Variants in MAPT observed in about 807,000 individuals in gnomAD.
MAPT encodes microtubule-associated protein tau.
MAPT carries 34 observed loss-of-function variants against 67.9 expected under a neutral mutation model. That is an observed-to-expected ratio of 0.50 (90% CI 0.38 to 0.67). The LOEUF (loss-of-function observed/expected upper bound fraction) is 0.67. MAPT is among the 30% of genes least tolerant of loss of function. The pLI is 0.00. For missense variants in MAPT, 881 were observed against 1,115.2 expected, an observed-to-expected ratio of 0.79 and a Z score of 2.99; for synonymous variants, 456 against 464.5, an observed-to-expected ratio of 0.98 and a Z score of 0.23.
rs988258970 is a variant in MAPT at position 45,995,467 on chromosome 17, C to T, written c.1733-932C>T. Among the ~76,000 whole-genome samples the T allele has an allele frequency of 2.6e-5, 4 of 152,128 alleles. No individual in the cohort carries two copies. Among genetic ancestry groups the T allele is most frequent in the South Asian group, 2.1e-4 (1 of 4,824 alleles). ...CTCCGGAGATTCTGACGCAGGGTTCCGTGGGCCACACTTTGGAAAATACAG... is the reference window on the plus strand; with the variant it reads ...CTCCGGAGATTCTGACGCAGGGTTCTGTGGGCCACACTTTGGAAAATACAG... On this transcript the variant is annotated intron_variant, in intron 8 of 12. Transcript: ENST00000262410. This position sits in a 1 kb window ranked among gnomAD's most constrained non-coding sequence, Gnocchi z 4.3.
intron 1 of MAPT, among the ~76,000 whole-genome samples, chr17:45,921,739 C>T (rs1190286100): frequency 1.3e-5 from 2 of 152,144 alleles, no homozygotes; most frequent in African/African-American, 4.8e-5. Flanking sequence ...TGTTCGTAGG[C>T]TGTTTGTCTG....
chr17:45,939,959 T>C (rs1359482148), intron 1 of MAPT, among the ~76,000 whole-genome samples: 3 of 152,182 alleles, frequency 2.0e-5, no homozygotes, highest in Non-Finnish European at 2.9e-5. Flanking sequence ...TTTTTGCTCA[T>C]CGTTTGTGTA....
intron 8 of MAPT, among the ~76,000 whole-genome samples, chr17:45,994,209 A>AT (rs1352666422): frequency 1.3e-5 from 2 of 152,228 alleles, no homozygotes; most frequent in Non-Finnish European, 2.9e-5. Flanking sequence ...GGACAATGGC[A>AT]TTACAGGCAT....
At chr17:45,947,400 T>C (rs576809812) in intron 1 of MAPT, among the ~76,000 whole-genome samples, 273 of 143,536 alleles carry the variant, frequency 1.9e-3, no homozygotes, top group Non-Finnish European at 3.1e-3. Context: ...TTTTTTTTTT[T>C]CCTCAGGCAG....
rs2063373325 is a variant in MAPT, at chr17:45,897,966, G to GT, written c.-18+3281dup. The GT allele has an allele frequency of 6.6e-6, 1 of 152,130 alleles. No homozygotes were observed. The highest frequency in any genetic ancestry group is 2.4e-5 in the African/African-American group (1 of 41,412). The allele number at this position is 152,130 out of a possible 1,614,324, so 9.4% of individuals were successfully genotyped here. A position where few individuals can be genotyped will look rare whatever the true frequency, so the allele number is the denominator to read the frequency against. ...TGCTTATATTTACTGTATAAGCATT[G>GT]TATTTACTGTATAAGCATTGTATTA... On this transcript the variant is annotated intron_variant, in intron 1 of 12. Coordinates refer to ENST00000262410, the MANE Select transcript of MAPT (RefSeq NM_001377265.1). This position sits in a 1 kb window ranked among gnomAD's most constrained non-coding sequence, Gnocchi z 5.0.
At chr17:45,985,110 C>T (rs774420471) in intron 5 of MAPT, among the ~76,000 whole-genome samples, 1 of 152,142 alleles carries the variant, frequency 6.6e-6, no homozygotes, top group Non-Finnish European at 1.5e-5. Context: ...TCGAGACCAG[C>T]CTGGCCAACA....
In MAPT at chr17:45,915,410, G is replaced by T. The variant is rs2065122117; in HGVS notation, c.-18+20724G>T. On this transcript the variant is annotated intron_variant, in intron 1 of 12. Coordinates refer to ENST00000262410, the MANE Select transcript of MAPT (RefSeq NM_001377265.1). The surrounding 1 kb of genome is among the most constrained non-coding windows in gnomAD (Gnocchi z 4.4). Reference sequence around the variant, plus strand: ...GTGTATGGTGTGTGCATGAGCATGTGTGTGGGCATGTGATGTGTGTGTGGT... The same window carrying T: ...GTGTATGGTGTGTGCATGAGCATGTTTGTGGGCATGTGATGTGTGTGTGGT... Among the ~76,000 whole-genome samples, 1 of 151,360 alleles carries T rather than the reference G, an allele frequency of 6.6e-6. No individual in the cohort carries two copies. The highest frequency in any genetic ancestry group is 1.5e-5 in the Non-Finnish European group (1 of 67,764).
intron 12 of MAPT, among the ~76,000 whole-genome samples, chr17:46,023,313 C>A (rs560844188): frequency 6.6e-6 from 1 of 152,338 alleles, no homozygotes; most frequent in South Asian, 2.1e-4. Context: ...GCGGGAGCAG[C>A]CTACACATCC....
chr17:45,936,454 C>T (rs1475517658), intron 1 of MAPT, among the ~76,000 whole-genome samples: 2 of 152,252 alleles, frequency 1.3e-5, no homozygotes, highest in African/African-American at 4.8e-5. Context: ...AGCCTCCAAG[C>T]ACAGCATCAA....
In MAPT at chr17:45,983,125, C is replaced by T. The variant is rs2073145061; in HGVS notation, c.546C>T (p.Ala182=). 8.3e-6 allele frequency: 13 copies of T among 1,574,200 alleles called. No individual in the cohort carries two copies. Among genetic ancestry groups the T allele is most frequent in the African/African-American group, 1.3e-5 (1 of 74,594 alleles). ...GGGGACAAAAAGGCGGGGACTGGGC[C>T]GAGAAGGGTCCGGCCTTTCCGAAGC... ...LEWGQKGGDW[A]EKGPAFPKPA... Residue 182 remains alanine (A), a synonymous_variant, in exon 5 of 13, where the codon GCC becomes GCT. Transcript: ENST00000262410.
chr17:45,956,585 TATATATATATA>T (rs1255596455), intron 1 of MAPT, among the ~76,000 whole-genome samples: 119 of 7,764 alleles, frequency 0.015, 5 homozygotes, highest in African/African-American at 0.021. Flanking sequence ...TATATATATA[TATATATATATA>T]TATATTTTTT....
chr17:45,967,442 G>A (rs1022525711), intron 2 of MAPT, among the ~76,000 whole-genome samples: 9 of 152,186 alleles, frequency 5.9e-5, no homozygotes, highest in African/African-American at 1.4e-4. Context: ...CCAGAAGTCT[G>A]CGTGATGCTG....
chr17:45,962,730 G>A (rs1263091252), intron 2 of MAPT, among the ~76,000 whole-genome samples: 10 of 152,042 alleles, frequency 6.6e-5, no homozygotes, highest in South Asian at 2.1e-4. Flanking sequence ...ATTTGAGACC[G>A]GCCTGGGCAA....
intron 7 of MAPT, chr17:45,990,633 C>T (rs1391980696): frequency 3.1e-6 from 1 of 323,788 alleles, no homozygotes; most frequent in South Asian, 2.3e-5. Flanking sequence ...AATTGCTACT[C>T]TCATTGGGTT....
At position 46,027,320 on chromosome 17, in the gene MAPT, CG is replaced by C. The variant is rs934071632; in HGVS notation, c.*3150del. ...TGCTGGCAGATAAATTGAAAAGGCACGCTGGCTTGTGATCTTAAATGAGGAC... is the reference window on the plus strand; with the variant it reads ...TGCTGGCAGATAAATTGAAAAGGCACCTGGCTTGTGATCTTAAATGAGGAC... On this transcript the variant is annotated 3_prime_UTR_variant, in exon 13 of 13. Coordinates refer to ENST00000262410, the MANE Select transcript of MAPT (RefSeq NM_001377265.1). The C allele has an allele frequency of 1.3e-5, 2 of 152,724 alleles. No homozygotes were observed. Among genetic ancestry groups the C allele is most frequent in the African/African-American group, 4.8e-5 (2 of 41,422 alleles). 9.5% of individuals were successfully genotyped at this position (152,724 alleles called of 1,614,324 possible). A position where few individuals can be genotyped will look rare whatever the true frequency, so the allele number is the denominator to read the frequency against.
intron 1 of MAPT, among the ~76,000 whole-genome samples, chr17:45,941,635 T>TTTCCCTCC (rs1475540198): frequency 3.4e-5 from 2 of 58,368 alleles, no homozygotes; most frequent in South Asian, 8.6e-4. Flanking sequence ...TCCTTCCCTC[T>TTTCCCTCC]TTCCCTCCTT....
rs2076822682 is a variant in MAPT at position 46,026,806 on chromosome 17, G to C, written c.*2635G>C. 6.6e-6 allele frequency: 1 copy of C among 152,422 alleles called. No individual in the cohort carries two copies. The highest frequency in any genetic ancestry group is 1.5e-5 in the Non-Finnish European group (1 of 68,198). The allele number at this position is 152,422 out of a possible 1,614,324, so 9.4% of individuals were successfully genotyped here. On this transcript the variant is annotated 3_prime_UTR_variant, in exon 13 of 13. Coordinates refer to ENST00000262410, the MANE Select transcript of MAPT (RefSeq NM_001377265.1). ...AACTCCATCTGCTGCCATGAGAAAAGGGAAGCCGCCTTTGCAAAACATTGC... is the reference window on the plus strand; with the variant it reads ...AACTCCATCTGCTGCCATGAGAAAACGGAAGCCGCCTTTGCAAAACATTGC...
chr17:45,929,710 C>G (rs2144655717), intron 1 of MAPT, among the ~76,000 whole-genome samples: 1 of 152,346 alleles, frequency 6.6e-6, no homozygotes, highest in South Asian at 2.1e-4. Context: ...TAAATAACAG[C>G]TTAGACCTTT....
intron 12 of MAPT, among the ~76,000 whole-genome samples, chr17:46,022,172 C>T (rs2076567157): frequency 6.6e-6 from 1 of 151,962 alleles, no homozygotes; most frequent in South Asian, 2.1e-4. Flanking sequence ...CTGGCCAACA[C>T]AGCCAAATCC....
Sources: allele counts gnomAD v4.1 joint callset (sites outside exome capture counted in the v4.1 genomes callset), GRCh38; gene constraint gnomAD v4.1.1; non-coding constraint Gnocchi (gnomAD v3.1); transcripts MANE v1.5; gene names NCBI Gene and HGNC (gene_info 2026-07-23, HGNC 2026-07-21).